HSPD1: variants seen among roughly 807,000 people sequenced by gnomAD.
HSPD1 encodes heat shock protein family D (Hsp60) member 1.
HSPD1 carries 3 observed loss-of-function variants against 53.0 expected under a neutral mutation model. The ratio of observed to expected loss-of-function variants is 0.06; its 90% CI spans 0.03 to 0.15. The LOEUF is 0.15. Among genes scored for constraint, HSPD1 ranks in the 10% least tolerant of loss-of-function variants. HSPD1 has a pLI of 1.00. For synonymous variants in HSPD1, 200 were observed against 228.0 expected (o/e 0.88, Z 1.10); for missense variants, 431 against 694.1 (o/e 0.62, Z 4.26).
chr2:197,496,685 T>G (rs1484133333), intron 3 of HSPD1, among the ~76,000 whole-genome samples: 1 of 152,210 alleles, frequency 6.6e-6, no homozygotes, highest in Admixed American at 6.5e-5. Flanking sequence ...TAACATGGTG[T>G]GTGCTATTAA....
In HSPD1 at chr2:197,489,128, G is replaced by C; in HGVS notation, c.1089C>G (p.Asp363Glu). The C allele has an allele frequency of 6.2e-7, 1 of 1,614,016 alleles. No individual in the cohort carries two copies. Among genetic ancestry groups the C allele is most frequent in the Non-Finnish European group, 8.5e-7 (1 of 1,179,972 alleles). The change falls in exon 9 of 12, where the codon GAC becomes GAG. Residue 363 changes from aspartate to glutamate, a missense_variant. Coordinates refer to ENST00000388968, the MANE Select transcript of HSPD1 (RefSeq NM_002156.5). ...GAATACGTTTTTCAATTTGAGCCTT[G>C]TCACCTTTTCCTTTTAAGAGCATGG... is the stretch of plus-strand genomic sequence containing the variant. Reference protein sequence around the residue: ...DDAMLLKGKGDKAQIEKRIQE... With the variant: ...DDAMLLKGKGEKAQIEKRIQE...
chr2:197,488,978 C>G, intron 9 of HSPD1, 24 bp downstream of exon 9: 1 of 1,612,910 alleles, frequency 6.2e-7, no homozygotes, highest in South Asian at 1.1e-5. Context: ...ACCCAAGAAA[C>G]TTATTCATAA....
Position 197,488,054 on chromosome 2 carries a change from C to T in HSPD1, c.1391-18G>A. ...TTCTATACCTACAGAGAAATTTCAG[C>T]AAAATTTTAATACTTTCATTTGTAA... On this transcript the variant is annotated intron_variant, in intron 10 of 11. Transcript: ENST00000388968. The T allele has an allele frequency of 6.5e-7, 1 of 1,533,016 alleles. No individual in the cohort carries two copies. Among genetic ancestry groups the T allele is most frequent in the Admixed American group, 1.8e-5 (1 of 54,844 alleles). The allele number at this position is 1,533,016 out of a possible 1,614,324, so 95.0% of individuals were successfully genotyped here. A position where few individuals can be genotyped will look rare whatever the true frequency, so the allele number is the denominator to read the frequency against.
chr2:197,486,896 A>G lies in HSPD1; in HGVS notation c.*150T>C. ...CAGTAAACCATTATATATTTTGTCA[A>G]CTGAAACCAGTAACTGATGGTTATA... On this transcript the variant is annotated 3_prime_UTR_variant, in exon 12 of 12. Coordinates refer to ENST00000388968, the MANE Select transcript of HSPD1 (RefSeq NM_002156.5). The G allele has an allele frequency of 1.5e-5, 10 of 656,806 alleles. No homozygotes were observed. Among genetic ancestry groups the G allele is most frequent in the South Asian group, 1.2e-4 (7 of 57,666 alleles). 40.7% of individuals were successfully genotyped at this position (656,806 alleles called of 1,614,324 possible). A position where few individuals can be genotyped will look rare whatever the true frequency, so the allele number is the denominator to read the frequency against.
At position 197,498,726 on chromosome 2, in the gene HSPD1, A is replaced by T; in HGVS notation, c.123T>A (p.Leu41=). 1 of 1,614,200 alleles carries T rather than the reference A, an allele frequency of 6.2e-7. No individual in the cohort carries two copies. ...KFGADARALM[L]QGVDLLADAV... ...CATCGGCTAAAAGGTCTACACCTTGAAGCATTAAGGCTCGGGCATCTGCAC... is the reference window on the plus strand; with the variant it reads ...CATCGGCTAAAAGGTCTACACCTTGTAGCATTAAGGCTCGGGCATCTGCAC... The change falls in exon 2 of 12, where the codon CTT becomes CTA. Residue 41 remains leucine, a synonymous_variant. Transcript: ENST00000388968.
At chr2:197,492,140 G>C (rs974233257) in intron 7 of HSPD1, among the ~76,000 whole-genome samples, 3 of 152,240 alleles carry the variant, frequency 2.0e-5, no homozygotes, top group Admixed American at 6.5e-5. Context: ...CTGGGTGACA[G>C]AGTCTGTCTC....
At chr2:197,490,690 T>A (rs1424772465) in intron 7 of HSPD1, 1 of 251,530 alleles carries the variant, frequency 4.0e-6, no homozygotes, top group Non-Finnish European at 7.8e-6. Flanking sequence ...ATCAGCCAAA[T>A]GTGGTAGCAG....
chr2:197,493,054 A>C (rs150767898), intron 7 of HSPD1, among the ~76,000 whole-genome samples: 109 of 152,234 alleles, frequency 7.2e-4, no homozygotes, highest in Non-Finnish European at 1.2e-3. Context: ...AAACAACTGT[A>C]AACACTTGCA....
chr2:197,493,551 GA>G, intron 6 of HSPD1, 59 bp from the exon 7 acceptor site: 1 of 1,289,212 alleles, frequency 7.8e-7, no homozygotes, highest in African/African-American at 1.5e-5. Context: ...ACATTTAAAT[GA>G]AAAGCGAAAC....
In HSPD1 at chr2:197,488,014, T is replaced by C. The variant is rs1292537183; in HGVS notation, c.1413A>G (p.Thr471=). The change falls in exon 11 of 12, where the codon ACA becomes ACG. Residue 471 remains threonine (T), a synonymous_variant. Transcript: ENST00000388968. ...CAATGGTCATTGCTGGAATTTTGAG[T>C]GTTCTTTTAATAATTTCTATACCTA... ...QKIGIEIIKR[T]LKIPAMTIAK... is the part of the protein sequence containing the mutation. The C allele has an allele frequency of 6.2e-7, 1 of 1,608,982 alleles. No homozygotes were observed. Among genetic ancestry groups the C allele is most frequent in the Non-Finnish European group, 8.5e-7 (1 of 1,176,476 alleles).
chr2:197,497,116 T>C (rs2086168346), intron 3 of HSPD1, 24 bp downstream of exon 3: 3 of 1,612,298 alleles, frequency 1.9e-6, no homozygotes, highest in Admixed American at 1.7e-5. Flanking sequence ...TTTAGAACAC[T>C]GTGGTGACAA....
chr2:197,488,205 AC>A (rs1439953390), intron 10 of HSPD1, 111 bp downstream of exon 10: 1 of 1,050,556 alleles, frequency 9.5e-7, no homozygotes, highest in East Asian at 2.6e-5. Flanking sequence ...GCACTATTCT[AC>A]TTCTGTTATT....
At chr2:197,492,161 T>A (rs2086101328) in intron 7 of HSPD1, among the ~76,000 whole-genome samples, 1 of 151,858 alleles carries the variant, frequency 6.6e-6, no homozygotes, top group Admixed American at 6.6e-5. Flanking sequence ...TCAAAATAAA[T>A]AAAAATATTC....
In HSPD1 at chr2:197,495,386, C is replaced by T. The variant is rs111401572; in HGVS notation, c.428-10G>A. 2.6e-3 allele frequency: 3,929 copies of T among 1,523,648 alleles called. 78 individuals are homozygous for T. In the African/African-American group the frequency reaches 0.046, roughly 18 times the overall value. 94.4% of individuals were successfully genotyped at this position (1,523,648 alleles called of 1,614,324 possible). A position where few individuals can be genotyped will look rare whatever the true frequency, so the allele number is the denominator to read the frequency against. ...ACAGCTAACATCACACCTAGTTCAACGATATATGTCATTACAATGTTTATT... is the reference window on the plus strand; with the variant it reads ...ACAGCTAACATCACACCTAGTTCAATGATATATGTCATTACAATGTTTATT... On this transcript the variant is annotated splice_polypyrimidine_tract_variant and intron_variant, in intron 3 of 11. Coordinates refer to ENST00000388968, the MANE Select transcript of HSPD1 (RefSeq NM_002156.5).
rs1324238297 is a variant in HSPD1, at chr2:197,489,180, C to G, written c.1037G>C (p.Gly346Ala). 3.7e-6 allele frequency: 6 copies of G among 1,614,108 alleles called. No individual in the cohort carries two copies. Among genetic ancestry groups the G allele is most frequent in the Non-Finnish European group, 5.1e-6 (6 of 1,179,962 alleles). Residue 346 changes from glycine (G) to alanine (A), a missense_variant, in exon 9 of 12, where the codon GGA becomes GCA. Gly to Ala is a moderately conservative substitution (Grantham distance 60, BLOSUM62 0). This residue lies in a region of HSPD1 where 386 missense variants were observed against 657.6 expected (regional missense o/e 0.59). Transcript: ENST00000388968. Reference protein sequence around the residue: ...DVQPHDLGKVGEVIVTKDDAM... With the variant: ...DVQPHDLGKVAEVIVTKDDAM... ...ATCGTCTTTGGTCACAATGACCTCT[C>G]CAACTTTTCCTAAGTCATGAGGCTG...
chr2:197,486,921 A>T lies in HSPD1; in HGVS notation c.*125T>A, dbSNP rs568459774. 2.8e-5 allele frequency: 23 copies of T among 821,208 alleles called. No individual in the cohort carries two copies. The highest frequency in any genetic ancestry group is 1.2e-4 in the Admixed American group (7 of 57,370). 50.9% of individuals were successfully genotyped at this position (821,208 alleles called of 1,614,324 possible). On this transcript the variant is annotated 3_prime_UTR_variant, in exon 12 of 12. Transcript: ENST00000388968. ...ACTGAAACCAGTAACTGATGGTTAT[A>T]GTGATTTTCAGCCAGCCTTTTTCTT...
chr2:197,494,640 A>C lies in HSPD1; in HGVS notation c.606+17T>G. 1 of 1,498,966 alleles carries C rather than the reference A, an allele frequency of 6.7e-7. No individual in the cohort carries two copies. 92.9% of individuals were successfully genotyped at this position (1,498,966 alleles called of 1,614,324 possible). On this transcript the variant is annotated intron_variant, in intron 5 of 11. Coordinates refer to ENST00000388968, the MANE Select transcript of HSPD1 (RefSeq NM_002156.5). ...AAGATAACTCAAAATTATCTTTAAA[A>C]ATACAAACACACTTGCCTTTACTGT...
chr2:197,500,239 A>G, upstream of HSPD1: 1 of 670,300 alleles, frequency 1.5e-6, no homozygotes. Flanking sequence ...CGTCCTGCGC[A>G]GGGCCCTTGG....
chr2:197,490,524 T>A (rs1442454822), intron 7 of HSPD1: 9 of 530,036 alleles, frequency 1.7e-5, no homozygotes, highest in Non-Finnish European at 3.0e-5. Flanking sequence ...CATATCCGTT[T>A]ACCTTCTTAA....
Sources: gnomAD v4.1 joint callset for allele counts (sites outside exome capture counted in the v4.1 genomes callset) on GRCh38, gnomAD v4.1.1 for gene constraint, gnomAD v4.1.1 regional missense constraint, MANE v1.5 for transcripts, NCBI Gene and HGNC (gene_info 2026-07-23, HGNC 2026-07-21) for gene names.